Variants in PDE5A observed in about 807,000 individuals in gnomAD.
PDE5A encodes the protein cGMP-specific 3',5'-cyclic phosphodiesterase.
PDE5A carries 67 observed loss-of-function variants against 110.2 expected under a neutral mutation model. The observed-to-expected ratio is 0.61, with a 90% confidence interval of 0.50 to 0.75. The LOEUF is 0.75. Among genes scored for constraint, PDE5A ranks in the 30% least tolerant of loss-of-function variants. The probability of loss-of-function intolerance (pLI) is 0.00; values close to 1 mark genes in which losing one functional copy is unlikely to be tolerated. For missense variants in PDE5A, 862 were observed against 1,045.1 expected (o/e 0.82, Z 2.42); for synonymous variants, 328 against 351.2 (o/e 0.93, Z 0.74).
At position 119,560,318 on chromosome 4, in the gene PDE5A, T is replaced by C. The variant is rs757609096; in HGVS notation, c.1177A>G (p.Lys393Glu). 6.3e-7 allele frequency: 1 copy of C among 1,588,986 alleles called. No homozygotes were observed. The highest frequency in any genetic ancestry group is 2.3e-5 in the East Asian group (1 of 44,116). ...TACCTTGTTAATGTATCAGATGATT[T>C]TTCTAATTCCTCACACTCCATGTGA... ...VFHMECEELEKSSDTLTREHD... is the reference protein window; with the variant it reads ...VFHMECEELEESSDTLTREHD... Residue 393 changes from lysine to glutamate, a missense_variant, in exon 7 of 21, where the codon AAA (lysine) becomes GAA (glutamate). Coordinates refer to ENST00000354960, the MANE Select transcript of PDE5A (RefSeq NM_001083.4).
In PDE5A at chr4:119,497,038, G is replaced by T. The variant is rs1725102475; in HGVS notation, c.*1563C>A. 6.6e-6 allele frequency: 1 copy of T among 152,058 alleles called. No individual in the cohort carries two copies. Among genetic ancestry groups the T allele is most frequent in the African/African-American group, 2.4e-5 (1 of 41,426 alleles). The allele number at this position is 152,058 out of a possible 1,614,324, so 9.4% of individuals were successfully genotyped here. A position where few individuals can be genotyped will look rare whatever the true frequency, so the allele number is the denominator to read the frequency against. On this transcript the variant is annotated 3_prime_UTR_variant, in exon 21 of 21. Transcript: ENST00000354960. Reference sequence around the variant, plus strand: ...ATTTTAAAAACTTAAGGAACATACTGAATTTTAGGCAAAATTTAGGGGAAT... The same window carrying T: ...ATTTTAAAAACTTAAGGAACATACTTAATTTTAGGCAAAATTTAGGGGAAT...
At position 119,496,739 on chromosome 4, in the gene PDE5A, T is replaced by C. The variant is rs1223305316; in HGVS notation, c.*1862A>G. 1 of 152,580 alleles carries C rather than the reference T, an allele frequency of 6.6e-6. No individual in the cohort carries two copies. Among genetic ancestry groups the C allele is most frequent in the Non-Finnish European group, 1.5e-5 (1 of 67,990 alleles). 9.5% of individuals were successfully genotyped at this position (152,580 alleles called of 1,614,324 possible). On this transcript the variant is annotated 3_prime_UTR_variant, in exon 21 of 21. Coordinates refer to ENST00000354960, the MANE Select transcript of PDE5A (RefSeq NM_001083.4). ...ATAAGTATACACCTGTATGTATATA[T>C]AACTATTATTTTAGTGATAGTCTGT...
rs1725119672 is a variant in PDE5A, at chr4:119,497,540, ATG to A, written c.*1059_*1060del. On this transcript the variant is annotated 3_prime_UTR_variant, in exon 21 of 21. Coordinates refer to ENST00000354960, the MANE Select transcript of PDE5A (RefSeq NM_001083.4). ...AATTTTTCAATCACAATACTGCTAA[ATG>A]TTATTCAGGCATAAAGTTTCTTACC... 6.6e-6 allele frequency: 1 copy of A among 152,164 alleles called. No individual in the cohort carries two copies. Among genetic ancestry groups the A allele is most frequent in the Non-Finnish European group, 1.5e-5 (1 of 68,006 alleles). The allele number at this position is 152,164 out of a possible 1,614,324, so 9.4% of individuals were successfully genotyped here.
In PDE5A at chr4:119,499,165, A is replaced by T. The variant is rs192542901; in HGVS notation, c.2491-427T>A. Among the ~76,000 whole-genome samples the T allele has an allele frequency of 4.6e-5, 7 of 152,304 alleles. No homozygotes were observed. The East Asian group carries it at 1.3e-3, about 29-fold the overall frequency. On this transcript the variant is annotated intron_variant, in intron 20 of 20. Transcript: ENST00000354960. ...CTTTTATCCAGGATTATATTATAAT[A>T]AAGATTCATAATTTGGTGTGGCATT...
At chr4:119,537,832 G>A (rs1726780980) in intron 11 of PDE5A, among the ~76,000 whole-genome samples, 1 of 151,880 alleles carries the variant, frequency 6.6e-6, no homozygotes, top group Non-Finnish European at 1.5e-5. Context: ...AAAGGTAAAA[G>A]TAAATGGTGG....
intron 15 of PDE5A, 114 bp downstream of exon 15, chr4:119,510,933 G>T: frequency 1.4e-6 from 1 of 705,326 alleles, no homozygotes; most frequent in Non-Finnish European, 2.4e-6. Flanking sequence ...ACCCAAAAAG[G>T]AATAAAGTAT....
At chr4:119,533,420 G>A (rs1361387660) in intron 11 of PDE5A, among the ~76,000 whole-genome samples, 1 of 152,082 alleles carries the variant, frequency 6.6e-6, no homozygotes, top group Non-Finnish European at 1.5e-5. Context: ...ATGCCCAAGA[G>A]GGGTGTTTTT....
chr4:119,613,521 A>T (rs1729829587), intron 1 of PDE5A, among the ~76,000 whole-genome samples: 2 of 152,180 alleles, frequency 1.3e-5, no homozygotes, highest in Admixed American at 6.5e-5. Context: ...TTCAGAAGTT[A>T]TATACATATT....
chr4:119,533,758 G>C (rs1726626758), intron 11 of PDE5A, among the ~76,000 whole-genome samples: 1 of 152,106 alleles, frequency 6.6e-6, no homozygotes, highest in African/African-American at 2.4e-5. Flanking sequence ...AAATCATATA[G>C]AAAGCATGTA....
chr4:119,590,396 A>G (rs1421984344), intron 3 of PDE5A, among the ~76,000 whole-genome samples: 1 of 152,084 alleles, frequency 6.6e-6, no homozygotes, highest in Admixed American at 6.6e-5. Flanking sequence ...CTCTCCCTTG[A>G]TCACTTTTTT....
At chr4:119,576,725 A>G (rs1280609378) in intron 3 of PDE5A, among the ~76,000 whole-genome samples, 1 of 152,208 alleles carries the variant, frequency 6.6e-6, no homozygotes, top group African/African-American at 2.4e-5. Flanking sequence ...AATGCCCACA[A>G]GAGGAAGCAG....
intron 3 of PDE5A, among the ~76,000 whole-genome samples, chr4:119,593,052 C>T (rs1246748823): frequency 6.6e-6 from 1 of 152,102 alleles, no homozygotes; most frequent in Non-Finnish European, 1.5e-5. Context: ...AGTAGAATGC[C>T]TAGAATTAAA....
At chr4:119,566,086 T>G (rs535157178) in intron 4 of PDE5A, among the ~76,000 whole-genome samples, 252 of 151,970 alleles carry the variant, frequency 1.7e-3, no homozygotes, top group African/African-American at 5.4e-3. Flanking sequence ...GGGAGTTATA[T>G]TAATGGATTA....
chr4:119,522,219 G>A (rs2110470863), intron 12 of PDE5A, among the ~76,000 whole-genome samples: 1 of 151,662 alleles, frequency 6.6e-6, no homozygotes, highest in Non-Finnish European at 1.5e-5. Context: ...GAACACTAAT[G>A]TCTCCTAACC....
At chr4:119,501,776 A>ATACTC (rs1194901821) in intron 19 of PDE5A, among the ~76,000 whole-genome samples, 1 of 152,212 alleles carries the variant, frequency 6.6e-6, no homozygotes, top group African/African-American at 2.4e-5. Flanking sequence ...TCTGAGATCC[A>ATACTC]TACTCTATGT....
At chr4:119,595,145 T>C (rs1188323471) in intron 3 of PDE5A, among the ~76,000 whole-genome samples, 4 of 151,946 alleles carry the variant, frequency 2.6e-5, no homozygotes, top group Non-Finnish European at 4.4e-5. Context: ...AATATTGAAA[T>C]CAGAAACATT....
chr4:119,510,585 C>T (rs1181437979), intron 15 of PDE5A, among the ~76,000 whole-genome samples: 3 of 151,922 alleles, frequency 2.0e-5, no homozygotes, highest in South Asian at 4.2e-4. Context: ...ATAGCATATG[C>T]TTTCTTATGT....
chr4:119,590,195 G>A (rs1728917252), intron 3 of PDE5A, among the ~76,000 whole-genome samples: 1 of 152,100 alleles, frequency 6.6e-6, no homozygotes, highest in Non-Finnish European at 1.5e-5. Flanking sequence ...AAGATAATGG[G>A]TTACCTCTTA....
intron 3 of PDE5A, among the ~76,000 whole-genome samples, chr4:119,574,545 C>T (rs1257156040): frequency 6.6e-6 from 1 of 152,080 alleles, no homozygotes; most frequent in Non-Finnish European, 1.5e-5. Context: ...AGATCCAGTA[C>T]ATACTAACGC....
Sources: gnomAD v4.1 joint callset for allele counts (sites outside exome capture counted in the v4.1 genomes callset) on GRCh38, gnomAD v4.1.1 for gene constraint, MANE v1.5 for transcripts, NCBI Gene and HGNC (gene_info 2026-07-23, HGNC 2026-07-21) for gene names.